The following SNAP25 variants were observed in gnomAD, a reference collection of about 807,000 sequenced individuals.
SNAP25 encodes synaptosomal-associated protein 25.
A neutral mutation model predicts 28.7 loss-of-function variants in SNAP25; 3 were observed. That is an observed-to-expected ratio of 0.10 (90% CI 0.05 to 0.27). The LOEUF (loss-of-function observed/expected upper bound fraction) is 0.27, where lower values mean the gene tolerates loss of function less well. SNAP25 is among the 10% of genes least tolerant of loss of function. SNAP25 has a pLI of 1.00. For missense variants in SNAP25, 117 were observed against 278.7 expected, an observed-to-expected ratio of 0.42 and a Z score of 4.13; for synonymous variants, 61 against 88.1, an observed-to-expected ratio of 0.69 and a Z score of 1.72.
rs1247602216 is a variant in SNAP25, at chr20:10,277,656, T to A, written c.73-29T>A. 3.7e-6 allele frequency: 6 copies of A among 1,606,308 alleles called. No homozygotes were observed. The African/African-American group carries it at 8.0e-5, about 21-fold the overall frequency. ...ATCTCTGGATCCTGCACTCATAAAG[T>A]TTATGTTTGTTTGTTTTTTAAATCT... On this transcript the variant is annotated intron_variant, in intron 2 of 7. Coordinates refer to ENST00000254976, the MANE Select transcript of SNAP25 (RefSeq NM_130811.4).
chr20:10,219,891 C>T (rs1177154143), intron 1 of SNAP25: 1 of 152,278 alleles, frequency 6.6e-6, no homozygotes, highest in African/African-American at 2.4e-5. Flanking sequence ...TCCTGTTCCC[C>T]TCCTCACCTC....
rs775110038 is a variant in SNAP25 at position 10,283,404 on chromosome 20, C to T, written c.115-1320C>T. 1.1e-3 allele frequency among the ~76,000 whole-genome samples: 172 copies of T among 152,156 alleles called. 6 individuals carry two copies. Among genetic ancestry groups the T allele is most frequent in the Non-Finnish European group, 3.1e-4 (21 of 68,034 alleles). Reference sequence around the variant, plus strand: ...GCCCAGAGTCTGTCTCCACAGTCTGCGCTGTCAAGGACTCCTGAGGCCACC... The same window carrying T: ...GCCCAGAGTCTGTCTCCACAGTCTGTGCTGTCAAGGACTCCTGAGGCCACC... On this transcript the variant is annotated intron_variant, in intron 3 of 7. Coordinates refer to ENST00000254976, the MANE Select transcript of SNAP25 (RefSeq NM_130811.4).
chr20:10,227,553 G>A (rs1233876276), intron 1 of SNAP25, among the ~76,000 whole-genome samples: 1 of 152,054 alleles, frequency 6.6e-6, no homozygotes, highest in Non-Finnish European at 1.5e-5. Context: ...ATGTCCCAAG[G>A]AATTACTTAG....
intron 3 of SNAP25, among the ~76,000 whole-genome samples, chr20:10,282,310 A>G (rs1245313880): frequency 6.6e-6 from 1 of 152,138 alleles, no homozygotes; most frequent in East Asian, 1.9e-4. Context: ...CGGCATCCCT[A>G]TCCTTATCTT....
chr20:10,288,474 T>G (rs531197380), intron 4 of SNAP25, among the ~76,000 whole-genome samples: 4 of 152,194 alleles, frequency 2.6e-5, no homozygotes, highest in Non-Finnish European at 4.4e-5. Context: ...GAGATATAAT[T>G]TGCTGAAATC....
At chr20:10,278,953 G>A (rs1324944769) in intron 3 of SNAP25, among the ~76,000 whole-genome samples, 5 of 151,480 alleles carry the variant, frequency 3.3e-5, no homozygotes, top group East Asian at 3.9e-4. Context: ...TGGGGCGAAC[G>A]TAACAAAATC....
intron 7 of SNAP25, among the ~76,000 whole-genome samples, chr20:10,305,823 A>G (rs1269140044): frequency 1.3e-5 from 2 of 152,192 alleles, no homozygotes; most frequent in Non-Finnish European, 2.9e-5. Context: ...TAGGATAGAA[A>G]GATAAATCAT....
intron 1 of SNAP25, among the ~76,000 whole-genome samples, chr20:10,228,250 G>C (rs934868677): frequency 6.6e-6 from 1 of 152,152 alleles, no homozygotes; most frequent in Non-Finnish European, 1.5e-5. Flanking sequence ...AATGTCTACT[G>C]TGTGCTGCAC....
chr20:10,241,205 G>A (rs1324956747), intron 1 of SNAP25, among the ~76,000 whole-genome samples: 1 of 152,112 alleles, frequency 6.6e-6, no homozygotes, highest in Non-Finnish European at 1.5e-5. Flanking sequence ...GGTGGGTGCA[G>A]TGGGGGAAGT....
At chr20:10,251,438 T>G (rs1007645334) in intron 1 of SNAP25, among the ~76,000 whole-genome samples, 5 of 152,152 alleles carry the variant, frequency 3.3e-5, no homozygotes, top group African/African-American at 1.2e-4. Flanking sequence ...TTTTGAAGGC[T>G]GGATGGAAGG....
At chr20:10,259,886 A>G (rs1403692849) in intron 1 of SNAP25, among the ~76,000 whole-genome samples, 1 of 152,192 alleles carries the variant, frequency 6.6e-6, no homozygotes, top group Non-Finnish European at 1.5e-5. Context: ...AACACTATAC[A>G]TACACCTCGG....
In SNAP25 at chr20:10,306,240, T is replaced by A. The variant is rs1432700633; in HGVS notation, c.*43T>A. 16 of 1,571,702 alleles carry A rather than the reference T, an allele frequency of 1.0e-5. No homozygotes were observed. Among genetic ancestry groups the A allele is most frequent in the Middle Eastern group, 1.7e-4 (1 of 6,006 alleles). On this transcript the variant is annotated 3_prime_UTR_variant, in exon 8 of 8. Transcript: ENST00000254976. ...CTCCTCCAAATGCTGTCGGGCAAGA[T>A]AGCTCCTTCATGCTTTTCTCATGGT...
intron 1 of SNAP25, among the ~76,000 whole-genome samples, chr20:10,232,271 T>C (rs796080492): frequency 5.3e-5 from 8 of 152,322 alleles, no homozygotes; most frequent in African/African-American, 1.9e-4. Flanking sequence ...GATTCAAAAA[T>C]ACCAAGGAAG....
chr20:10,252,289 A>G (rs2063244035), intron 1 of SNAP25, among the ~76,000 whole-genome samples: 1 of 152,240 alleles, frequency 6.6e-6, no homozygotes, highest in African/African-American at 2.4e-5. Context: ...AGGAACAAAG[A>G]TTTATATGGT....
At chr20:10,261,743 G>A (rs192695345) in intron 1 of SNAP25, among the ~76,000 whole-genome samples, 165 of 152,198 alleles carry the variant, frequency 1.1e-3, no homozygotes, top group African/African-American at 3.4e-3. Flanking sequence ...ACAATGTAGC[G>A]TGCATTTATG....
chr20:10,283,491 C>T (rs1206331241), intron 3 of SNAP25, among the ~76,000 whole-genome samples: 1 of 152,206 alleles, frequency 6.6e-6, no homozygotes, highest in Non-Finnish European at 1.5e-5. Flanking sequence ...AAAGTGTGCT[C>T]AAAGGCAAGG....
intron 1 of SNAP25, among the ~76,000 whole-genome samples, chr20:10,234,482 A>G (rs1378277302): frequency 2.6e-5 from 4 of 152,230 alleles, no homozygotes; most frequent in East Asian, 1.9e-4. Flanking sequence ...GCCTTAAGGC[A>G]GGGTACTTCC....
At chr20:10,231,276 T>A (rs1251740898) in intron 1 of SNAP25, among the ~76,000 whole-genome samples, 1 of 152,174 alleles carries the variant, frequency 6.6e-6, no homozygotes, top group African/African-American at 2.4e-5. Flanking sequence ...GATCCTGATG[T>A]CTTACATTGC....
chr20:10,224,804 C>G (rs1166057678), intron 1 of SNAP25, among the ~76,000 whole-genome samples: 3 of 151,832 alleles, frequency 2.0e-5, no homozygotes, highest in Admixed American at 6.6e-5. Flanking sequence ...AGATTTGTAG[C>G]TATCTAGCAC....
Sources: gnomAD v4.1 joint callset for allele counts (sites outside exome capture counted in the v4.1 genomes callset) on GRCh38, gnomAD v4.1.1 for gene constraint, MANE v1.5 for transcripts, NCBI Gene and HGNC (gene_info 2026-07-23, HGNC 2026-07-21) for gene names.